Variants in SUMF1 observed in about 807,000 individuals in gnomAD.
SUMF1 encodes the protein formylglycine-generating enzyme.
Under a neutral mutation model 47.6 loss-of-function variants are expected in SUMF1, and 48 were observed. That is an observed-to-expected ratio of 1.01 (90% CI 0.80 to 1.28). The LOEUF (loss-of-function observed/expected upper bound fraction) is 1.28, where lower values mean the gene tolerates loss of function less well. SUMF1 is among the 50% of genes most tolerant of loss of function. SUMF1 has a pLI of 0.00. For synonymous variants in SUMF1, 230 were observed against 192.1 expected (o/e 1.20, Z -1.63); for missense variants, 571 against 485.4 (o/e 1.18, Z -1.66).
At chr3:4,071,272 C>G (rs1354829334) in intron 8 of SUMF1, among the ~76,000 whole-genome samples, 2 of 152,070 alleles carry the variant, frequency 1.3e-5, no homozygotes, top group African/African-American at 4.8e-5. Context: ...AACTGAGGAA[C>G]CTGGTTCATC....
chr3:4,255,797 A>T (rs1169373743), intron 8 of SUMF1, among the ~76,000 whole-genome samples: 1 of 104,428 alleles, frequency 9.6e-6, no homozygotes, highest in Non-Finnish European at 1.9e-5. Context: ...TCCACCCCAA[A>T]TCAACAGAAT....
At chr3:4,411,298 T>C (rs977421742) in intron 6 of SUMF1, among the ~76,000 whole-genome samples, 1 of 152,148 alleles carries the variant, frequency 6.6e-6, no homozygotes, top group Non-Finnish European at 1.5e-5. Context: ...AGGGAGAGGA[T>C]AGATGATACT....
intron 8 of SUMF1, among the ~76,000 whole-genome samples, chr3:4,199,370 CTATT>C (rs1409139938): frequency 6.6e-6 from 1 of 152,122 alleles, no homozygotes; most frequent in African/African-American, 2.4e-5. Flanking sequence ...TTTTAGTTAT[CTATT>C]CCCCAGCTGA....
rs1693474673 is a variant in SUMF1, at chr3:4,118,705, C to T, written c.1015-49960G>A. ...TGGGCAGTTTCCAATACTCATGCTA[C>T]TTGAGAAGTATGTAACATTTGTCAT... On this transcript the variant is annotated intron_variant and NMD_transcript_variant, in intron 8 of 12. Coordinates refer to the SUMF1 transcript ENST00000448413. Among the ~76,000 whole-genome samples, 4 of 152,096 alleles carry T rather than the reference C, an allele frequency of 2.6e-5. No individual in the cohort carries two copies. In the East Asian group the frequency reaches 7.7e-4, roughly 29 times the overall value.
chr3:4,168,985 T>C (rs1005240611), intron 8 of SUMF1, among the ~76,000 whole-genome samples: 1 of 152,194 alleles, frequency 6.6e-6, no homozygotes, highest in African/African-American at 2.4e-5. Flanking sequence ...GCTGATAGCT[T>C]GAGTCCCTTC....
chr3:4,348,904 G>A (rs183659930), intron 8 of SUMF1, among the ~76,000 whole-genome samples: 1 of 152,078 alleles, frequency 6.6e-6, no homozygotes, highest in East Asian at 1.9e-4. Flanking sequence ...AACCCTAGAA[G>A]AAAACCTAGG....
intron 8 of SUMF1, among the ~76,000 whole-genome samples, chr3:4,217,131 T>C (rs181107206): frequency 1.1e-4 from 17 of 152,138 alleles, no homozygotes; most frequent in South Asian, 1.0e-3. Flanking sequence ...CCATCGATGA[T>C]AGACTGGATT....
chr3:4,083,669 T>C (rs1353818), intron 8 of SUMF1, among the ~76,000 whole-genome samples: 43,760 of 152,010 alleles, frequency 0.29, 6,525 homozygotes, highest in Admixed American at 0.33. Context: ...AAAACATATA[T>C]TTGAAAGCCT....
At chr3:4,447,175 T>A (rs1226849591) in intron 3 of SUMF1, among the ~76,000 whole-genome samples, 1 of 152,050 alleles carries the variant, frequency 6.6e-6, no homozygotes, top group Non-Finnish European at 1.5e-5. Context: ...TTTGTCTTAT[T>A]TTACCAAAAA....
At chr3:4,261,523 G>A (rs940743591) in intron 8 of SUMF1, among the ~76,000 whole-genome samples, 6 of 152,176 alleles carry the variant, frequency 3.9e-5, no homozygotes, top group East Asian at 1.9e-4. Context: ...TTGTCCTGCC[G>A]TCTCTGGAGG....
At chr3:4,264,846 G>C (rs769128143) in intron 8 of SUMF1, among the ~76,000 whole-genome samples, 4 of 152,100 alleles carry the variant, frequency 2.6e-5, no homozygotes, top group Non-Finnish European at 5.9e-5. Flanking sequence ...AGAACATTTT[G>C]GACACAGCCA....
intron 8 of SUMF1, among the ~76,000 whole-genome samples, chr3:4,136,515 A>C (rs1487690821): frequency 6.6e-6 from 1 of 151,990 alleles, no homozygotes; most frequent in Non-Finnish European, 1.5e-5. Context: ...AACCATAAAA[A>C]CCCTAGAAGA....
rs540270152 is a variant in SUMF1, at chr3:4,261,882, A to G, written c.1014+114448T>C. Reference sequence around the variant, plus strand: ...GTGGCAGGACCACAGCAAGCATTCCATTCTACTTCTACAAGCAACCTACAA... The same window carrying G: ...GTGGCAGGACCACAGCAAGCATTCCGTTCTACTTCTACAAGCAACCTACAA... On this transcript the variant is annotated intron_variant and NMD_transcript_variant, in intron 8 of 12. Coordinates refer to the SUMF1 transcript ENST00000448413. 7.2e-5 allele frequency among the ~76,000 whole-genome samples: 11 copies of G among 152,268 alleles called. No homozygotes were observed. In the South Asian group the frequency reaches 2.3e-3, roughly 32 times the overall value.
At chr3:4,099,124 C>T (rs1692972746) in intron 8 of SUMF1, among the ~76,000 whole-genome samples, 1 of 152,056 alleles carries the variant, frequency 6.6e-6, no homozygotes, top group Admixed American at 6.5e-5. Flanking sequence ...ATAATGGTGG[C>T]TTGGGTATAA....
chr3:4,449,285 T>C lies in SUMF1; in HGVS notation c.500A>G (p.Lys167Arg), dbSNP rs1251144540. Residue 167 changes from lysine (K) to arginine (R), a missense_variant, in exon 3 of 9, where the codon AAG becomes AGG. Lys to Arg is a conservative substitution (Grantham distance 26). Coordinates refer to ENST00000272902, the MANE Select transcript of SUMF1 (RefSeq NM_182760.4). ...ACTTACTGCCTGTTGAATATTGGTC[T>C]TCACTTGCTCACTCAACATGCCTTC... ...VFEGMLSEQVKTNIQQAVAAA... is the reference protein window; with the variant it reads ...VFEGMLSEQVRTNIQQAVAAA... The C allele has an allele frequency of 6.2e-7, 1 of 1,614,184 alleles. No homozygotes were observed.
intron 8 of SUMF1, among the ~76,000 whole-genome samples, chr3:4,146,402 G>T (rs944838113): frequency 2.7e-4 from 34 of 125,474 alleles, no homozygotes; most frequent in Non-Finnish European, 1.2e-4. Flanking sequence ...GTAGAGAGAG[G>T]CGAGGGGGGG....
At chr3:4,185,764 T>C (rs1321023402) in intron 8 of SUMF1, among the ~76,000 whole-genome samples, 1 of 152,194 alleles carries the variant, frequency 6.6e-6, no homozygotes, top group Non-Finnish European at 1.5e-5. Flanking sequence ...AGAAGGAAAG[T>C]GTTTATACAT....
At chr3:4,231,314 G>A (rs983337175) in intron 8 of SUMF1, among the ~76,000 whole-genome samples, 4 of 152,108 alleles carry the variant, frequency 2.6e-5, no homozygotes, top group Non-Finnish European at 5.9e-5. Flanking sequence ...TGAGATCATT[G>A]TACATAAATG....
chr3:4,109,650 C>G (rs1319944078), intron 8 of SUMF1, among the ~76,000 whole-genome samples: 1 of 151,976 alleles, frequency 6.6e-6, no homozygotes, highest in Non-Finnish European at 1.5e-5. Flanking sequence ...CTCTAAACTT[C>G]CCTTCTCACT....
Sources: gnomAD v4.1 joint callset for allele counts (sites outside exome capture counted in the v4.1 genomes callset) on GRCh38, gnomAD v4.1.1 for gene constraint, MANE v1.5 for transcripts, NCBI Gene and HGNC (gene_info 2026-07-23, HGNC 2026-07-21) for gene names.